The following CUL4A variants were observed in gnomAD, a reference collection of about 807,000 sequenced individuals.
The protein encoded by CUL4A is cullin 4A.
Under a neutral mutation model 95.5 loss-of-function variants are expected in CUL4A, and 16 were observed. That is an observed-to-expected ratio of 0.17 (90% CI 0.11 to 0.25). CUL4A has a LOEUF of 0.25. Among genes scored for constraint, CUL4A ranks in the 10% least tolerant of loss-of-function variants. The pLI is 1.00. For synonymous variants in CUL4A, 380 were observed against 353.1 expected, an observed-to-expected ratio of 1.08 and a Z score of -0.85; for missense variants, 610 against 937.0, an observed-to-expected ratio of 0.65 and a Z score of 4.56.
rs945164071 is a variant in CUL4A, at chr13:113,264,183, G to C, written c.*601G>C. On this transcript the variant is annotated 3_prime_UTR_variant, in exon 20 of 20. Transcript: ENST00000375440. ...TTGATGGCTGATTTTTCGTAAGTCA[G>C]GTTTCTAAGTGAGCTCCCTGAGGTG... 6.6e-6 allele frequency: 1 copy of C among 152,198 alleles called. No homozygotes were observed. Among genetic ancestry groups the C allele is most frequent in the Non-Finnish European group, 1.5e-5 (1 of 68,064 alleles). 9.4% of individuals were successfully genotyped at this position (152,198 alleles called of 1,614,324 possible). A position where few individuals can be genotyped will look rare whatever the true frequency, so the allele number is the denominator to read the frequency against.
chr13:113,247,109 G>GA (rs372254635), intron 15 of CUL4A, among the ~76,000 whole-genome samples: 13 of 152,082 alleles, frequency 8.5e-5, no homozygotes, highest in African/African-American at 3.1e-4. Context: ...GGTGGTGGGG[G>GA]AAGGTCCCAG....
chr13:113,229,369 A>G (rs777304385), intron 4 of CUL4A, 77 bp from the exon 5 acceptor site: 11 of 1,178,062 alleles, frequency 9.3e-6, no homozygotes, highest in Non-Finnish European at 1.3e-5. Context: ...GACAGCTAGC[A>G]TGGAGTTAAA....
chr13:113,223,046 G>A (rs2040958529), intron 3 of CUL4A, among the ~76,000 whole-genome samples: 1 of 152,220 alleles, frequency 6.6e-6, no homozygotes, highest in African/African-American at 2.4e-5. Context: ...AGTAGAGTCT[G>A]AGGGGATGAT....
In CUL4A at chr13:113,266,426, C is replaced by G. The variant is rs1395396605; in HGVS notation, c.*2844C>G. On this transcript the variant is annotated 3_prime_UTR_variant, in exon 20 of 20. Coordinates refer to ENST00000375440, the MANE Select transcript of CUL4A (RefSeq NM_001008895.4). ...ATAACATTACTAAGGAACACAGGCCCTGAATAAGTGAAAGTTCTGTTGATT... is the reference window on the plus strand; with the variant it reads ...ATAACATTACTAAGGAACACAGGCCGTGAATAAGTGAAAGTTCTGTTGATT... 6.6e-6 allele frequency: 1 copy of G among 152,224 alleles called. No individual in the cohort carries two copies. Among genetic ancestry groups the G allele is most frequent in the Non-Finnish European group, 1.5e-5 (1 of 68,040 alleles). The allele number at this position is 152,224 out of a possible 1,614,324, so 9.4% of individuals were successfully genotyped here.
upstream of CUL4A, chr13:113,208,689 G>A (rs567911642): frequency 5.1e-6 from 8 of 1,562,868 alleles, no homozygotes; most frequent in Non-Finnish European, 6.9e-6. Context: ...GGGCCAGCTG[G>A]CGTCACTTCC....
intron 18 of CUL4A, among the ~76,000 whole-genome samples, chr13:113,256,678 T>C (rs779727741): frequency 1.2e-4 from 18 of 152,304 alleles, no homozygotes; most frequent in Admixed American, 5.9e-4. Context: ...GTTTCTCATA[T>C]TTAAAATAGA....
At chr13:113,208,998 C>T (rs1232156115), upstream of CUL4A, 4 of 906,630 alleles carry the variant, frequency 4.4e-6, no homozygotes, top group Non-Finnish European at 5.3e-6. Context: ...GAGGACCCTC[C>T]GCGCCTGGCT....
chr13:113,246,107 C>T lies in CUL4A; in HGVS notation c.1638+44C>T, dbSNP rs1263269995. 4.9e-6 allele frequency: 7 copies of T among 1,425,958 alleles called. No homozygotes were observed. In the South Asian group the frequency reaches 7.1e-5, roughly 14 times the overall value. The allele number at this position is 1,425,958 out of a possible 1,614,324, so 88.3% of individuals were successfully genotyped here. ...TGCTGTCCGCTCCCGCTGTCATGCC[C>T]TTACCAGGCACAGATATGTTGCCTT... is the stretch of plus-strand genomic sequence containing the variant. On this transcript the variant is annotated intron_variant, in intron 15 of 19. Coordinates refer to ENST00000375440, the MANE Select transcript of CUL4A (RefSeq NM_001008895.4).
intron 2 of CUL4A, 89 bp downstream of exon 2, chr13:113,210,177 C>G (rs2139057032): frequency 1.2e-6 from 1 of 853,210 alleles, no homozygotes. Flanking sequence ...CTCGCAGGCT[C>G]TCGCCGGGGA....
At chr13:113,217,361 A>G (rs903638349) in intron 2 of CUL4A, among the ~76,000 whole-genome samples, 2 of 152,244 alleles carry the variant, frequency 1.3e-5, no homozygotes, top group African/African-American at 4.8e-5. Context: ...AGTTAAAGTA[A>G]ATACAGAATG....
At chr13:113,228,895 C>T (rs1188905488) in intron 4 of CUL4A, among the ~76,000 whole-genome samples, 1 of 151,416 alleles carries the variant, frequency 6.6e-6, no homozygotes, top group African/African-American at 2.4e-5. Context: ...CCGAGGCGGG[C>T]GGATCACGAG....
chr13:113,255,570 GTC>G (rs1490540081), intron 18 of CUL4A, among the ~76,000 whole-genome samples: 2 of 151,992 alleles, frequency 1.3e-5, no homozygotes, highest in African/African-American at 2.4e-5. Flanking sequence ...CTGTATCCCT[GTC>G]TCCCTCCGAG....
At chr13:113,260,977 G>A (rs2042260537) in intron 19 of CUL4A, among the ~76,000 whole-genome samples, 1 of 152,184 alleles carries the variant, frequency 6.6e-6, no homozygotes, top group South Asian at 2.1e-4. Context: ...CTCCTTCCCA[G>A]GGATGGTGCG....
At chr13:113,237,984 G>A (rs1465838686) in intron 9 of CUL4A, among the ~76,000 whole-genome samples, 1 of 152,150 alleles carries the variant, frequency 6.6e-6, no homozygotes, top group Non-Finnish European at 1.5e-5. Flanking sequence ...GCCAGATGTT[G>A]GTGCCTGGAA....
At chr13:113,220,936 G>A (rs1400989398) in intron 3 of CUL4A, among the ~76,000 whole-genome samples, 5 of 152,156 alleles carry the variant, frequency 3.3e-5, no homozygotes, top group African/African-American at 4.8e-5. Context: ...GTTCATTAAA[G>A]GCAAAAGAAA....
In CUL4A at chr13:113,239,518, G is replaced by A; in HGVS notation, c.1002G>A (p.Gln334=). The A allele has an allele frequency of 6.2e-7, 1 of 1,613,684 alleles. No homozygotes were observed. Among genetic ancestry groups the A allele is most frequent in the Non-Finnish European group, 8.5e-7 (1 of 1,179,860 alleles). The part of the protein sequence containing the change: ...QLFSRVRGGQ[Q]ALLQHWSEYI... ...TCAGCCGGGTGAGGGGCGGGCAGCA[G>A]GCGCTGCTGCAGCACTGGAGCGAGT... The change falls in exon 10 of 20, where the codon CAG becomes CAA. Residue 334 remains glutamine (Q), a synonymous_variant. Coordinates refer to ENST00000375440, the MANE Select transcript of CUL4A (RefSeq NM_001008895.4).
intron 9 of CUL4A, 82 bp downstream of exon 9, chr13:113,236,972 G>GTTA: frequency 5.5e-6 from 5 of 913,824 alleles, no homozygotes; most frequent in Non-Finnish European, 8.7e-6. Flanking sequence ...ATTACAAATA[G>GTTA]CAGTGTTAGG....
rs187058307 is a variant in CUL4A at position 113,216,532 on chromosome 13, T to C, written c.265-2413T>C. ...CATCTTGATACTAATAGGAGTAGAA[T>C]GCAAATGATACTTCTCTACCTCCGA... On this transcript the variant is annotated intron_variant, in intron 2 of 19. Coordinates refer to ENST00000375440, the MANE Select transcript of CUL4A (RefSeq NM_001008895.4). Among the ~76,000 whole-genome samples the C allele has an allele frequency of 9.8e-5, 15 of 152,356 alleles. No homozygotes were observed. The East Asian group carries it at 2.9e-3, about 29-fold the overall frequency.
chr13:113,211,220 G>A (rs951353470), intron 2 of CUL4A, among the ~76,000 whole-genome samples: 1 of 152,232 alleles, frequency 6.6e-6, no homozygotes, highest in Admixed American at 6.5e-5. Flanking sequence ...ATGCAGTCAT[G>A]TATTTCATAG....
Sources: allele counts gnomAD v4.1 joint callset (sites outside exome capture counted in the v4.1 genomes callset), GRCh38; gene constraint gnomAD v4.1.1; transcripts MANE v1.5; gene names NCBI Gene and HGNC (gene_info 2026-07-23, HGNC 2026-07-21).